Variants in UMODL1 observed in about 807,000 individuals in gnomAD.
UMODL1 encodes the protein uromodulin like 1.
UMODL1 carries 128 observed loss-of-function variants against 136.3 expected under a neutral mutation model. That is an observed-to-expected ratio of 0.94 (90% CI 0.81 to 1.09). The LOEUF is 1.09. Ranked by LOEUF, UMODL1 falls within the 50% of genes least tolerant of loss-of-function variation. The pLI is 0.00. For missense variants in UMODL1, 1,766 were observed against 1,725.6 expected (o/e 1.02, Z -0.41); for synonymous variants, 721 against 720.0 (o/e 1.00, Z -0.02).
chr21:42,130,221 CGTGTGTGT>C (rs112746788), intron 21 of UMODL1, among the ~76,000 whole-genome samples: 2 of 150,464 alleles, frequency 1.3e-5, no homozygotes, highest in African/African-American at 2.4e-5. Context: ...GCCATGTCAA[CGTGTGTGT>C]GTGTGTGTGT....
At position 42,110,916 on chromosome 21, in the gene UMODL1, C is replaced by T. The variant is rs760837751; in HGVS notation, c.1694C>T (p.Ala565Val). ...AGCCCCATGGGCGGTGGACTGTCTG[C>T]GGCAACAGGGGTAACGGTCCCAGGT... is the stretch of plus-strand genomic sequence containing the variant. ...LVSPMGGGLS[A>V]ATGVTVPGLG... Residue 565 changes from alanine to valine, a missense_variant, in exon 11 of 23, where the codon GCG becomes GTG. Ala to Val is a moderately conservative substitution (Grantham distance 64). Transcript: ENST00000408910. The T allele has an allele frequency of 2.5e-5, 40 of 1,611,686 alleles. No homozygotes were observed. Among genetic ancestry groups the T allele is most frequent in the Middle Eastern group, 1.6e-4 (1 of 6,082 alleles).
chr21:42,108,543 C>CAGTT (rs2066757325), intron 9 of UMODL1: 9 of 351,548 alleles, frequency 2.6e-5, no homozygotes, highest in African/African-American at 4.3e-5. Flanking sequence ...CTGAACTGGT[C>CAGTT]CTGCATCGTG....
intron 9 of UMODL1, among the ~76,000 whole-genome samples, chr21:42,106,861 C>T (rs975893892): frequency 6.6e-6 from 1 of 152,238 alleles, no homozygotes; most frequent in Non-Finnish European, 1.5e-5. Context: ...AATGAGATTA[C>T]AGCAACATCC....
chr21:42,064,865 C>CTTTCT (rs772516681), intron 1 of UMODL1, among the ~76,000 whole-genome samples: 1 of 152,134 alleles, frequency 6.6e-6, no homozygotes, highest in Non-Finnish European at 1.5e-5. Flanking sequence ...CCACAAATTT[C>CTTTCT]TTTCTTTTCT....
intron 5 of UMODL1, among the ~76,000 whole-genome samples, chr21:42,089,843 C>A (rs1275641481): frequency 6.6e-6 from 1 of 152,200 alleles, no homozygotes; most frequent in Non-Finnish European, 1.5e-5. Flanking sequence ...TATGAAGAGG[C>A]CCTGTCTGAG....
intron 12 of UMODL1, among the ~76,000 whole-genome samples, chr21:42,112,689 C>T (rs60187112): frequency 0.061 from 9,218 of 152,050 alleles, 317 homozygotes; most frequent in East Asian, 0.13. Context: ...AGCTGTTCTG[C>T]ACCCACAGTT....
chr21:42,095,033 G>A (rs903345579), intron 6 of UMODL1, among the ~76,000 whole-genome samples: 1 of 149,580 alleles, frequency 6.7e-6, no homozygotes, highest in Non-Finnish European at 1.5e-5. Context: ...CTGCCCTCTG[G>A]TGGCTGCCGG....
In UMODL1 at chr21:42,115,899, A is replaced by C; in HGVS notation, c.2389A>C (p.Arg797=). 1.2e-6 allele frequency: 2 copies of C among 1,614,102 alleles called. No individual in the cohort carries two copies. The highest frequency in any genetic ancestry group is 8.5e-7 in the Non-Finnish European group (1 of 1,179,996). Residue 797 remains arginine (R), a synonymous_variant, in exon 14 of 23, where the codon AGA becomes CGA. Coordinates refer to ENST00000408910, the MANE Select transcript of UMODL1 (RefSeq NM_001004416.3). ...AGCCCGGAAGCTCATTGGAAAGGTC[A>C]GAATCAAAAATGTCAGGTACTCAGA... is the stretch of plus-strand genomic sequence containing the variant. ...TAARKLIGKV[R]IKNVRYSESF...
At position 42,071,383 on chromosome 21, in the gene UMODL1, G is replaced by A. The variant is rs766174925; in HGVS notation, c.67G>A (p.Gly23Ser). The part of the protein sequence containing the change: ...VSAVGPSQAS[G>S]FTEKGLSLLG... ...TGCTGTGGGCCCAAGCCAGGCCAGC[G>A]GCTTCACAGGTGAGGGGTCTGGGCT... The change falls in exon 1 of 23, where the codon GGC (glycine) becomes AGC (serine). Residue 23 changes from glycine (G) to serine (S), a missense_variant. Transcript: ENST00000408910. 6.0e-5 allele frequency: 96 copies of A among 1,590,954 alleles called. No homozygotes were observed. Among genetic ancestry groups the A allele is most frequent in the Admixed American group, 2.5e-4 (14 of 56,626 alleles).
In UMODL1 at chr21:42,088,309, C is replaced by A; in HGVS notation, c.619C>A (p.Gln207Lys). The change falls in exon 5 of 23, where the codon CAA becomes AAA. Residue 207 changes from glutamine (Q) to lysine (K), a missense_variant. Coordinates refer to ENST00000408910, the MANE Select transcript of UMODL1 (RefSeq NM_001004416.3). ...LLHSLVTSAL[Q>K]PMASTVHHLH... Reference sequence around the variant, plus strand: ...GCCTTCACAGGTCACCAGCGCCCTGCAACCAATGGCCTCCACCGTCCACCA... The same window carrying A: ...GCCTTCACAGGTCACCAGCGCCCTGAAACCAATGGCCTCCACCGTCCACCA... 1 of 1,612,850 alleles carries A rather than the reference C, an allele frequency of 6.2e-7. No individual in the cohort carries two copies. Among genetic ancestry groups the A allele is most frequent in the Non-Finnish European group, 8.5e-7 (1 of 1,179,214 alleles).
intron 8 of UMODL1, chr21:42,103,130 A>G (rs2066658544): frequency 6.0e-6 from 1 of 167,464 alleles, no homozygotes; most frequent in Non-Finnish European, 1.3e-5. Context: ...GGAGGGAGCC[A>G]ATATCTCTCC....
chr21:42,121,129 G>GGA lies in UMODL1; in HGVS notation c.2733_2734dup (p.Thr912ArgfsTer73), dbSNP rs2066965412. ...AGGAAGGAGGACGACTGTGTGCCGG[G>GGA]GACATCCTGTCGAAACACCCTCGGG... is the stretch of plus-strand genomic sequence containing the variant. On this transcript the variant is annotated frameshift_variant, in exon 16 of 23. Coordinates refer to ENST00000408910, the MANE Select transcript of UMODL1 (RefSeq NM_001004416.3). LOFTEE classifies it high-confidence loss of function. 1 of 1,613,956 alleles carries GGA rather than the reference G, an allele frequency of 6.2e-7. No homozygotes were observed. Among genetic ancestry groups the GGA allele is most frequent in the Non-Finnish European group, 8.5e-7 (1 of 1,179,982 alleles).
intron 4 of UMODL1, 140 bp from the exon 5 acceptor site, chr21:42,088,154 A>G: frequency 1.3e-6 from 1 of 795,092 alleles, no homozygotes; most frequent in Non-Finnish European, 1.9e-6. Flanking sequence ...TGGATAGATA[A>G]GTACTGTAGA....
At chr21:42,118,322 G>A (rs902257141) in intron 14 of UMODL1, among the ~76,000 whole-genome samples, 7 of 152,230 alleles carry the variant, frequency 4.6e-5, no homozygotes, top group Admixed American at 4.6e-4. Flanking sequence ...TGTTCACCTT[G>A]GTGGCCCAGA....
Position 42,122,021 on chromosome 21 carries a change from G to A in UMODL1, c.2827+797G>A, listed in dbSNP as rs893214820. On this transcript the variant is annotated intron_variant, in intron 16 of 22. Coordinates refer to ENST00000408910, the MANE Select transcript of UMODL1 (RefSeq NM_001004416.3). The surrounding 1 kb of genome is among the most constrained non-coding windows in gnomAD (Gnocchi z 4.3). ...CGAGAAGCAGGCTGCCCAGGGAGGC[G>A]GGTGAGGCAGCAGCCAACTGTGAAG... Among the ~76,000 whole-genome samples the A allele has an allele frequency of 6.6e-5, 10 of 152,184 alleles. No individual in the cohort carries two copies. The highest frequency in any genetic ancestry group is 6.5e-4 in the Admixed American group (10 of 15,276).
Position 42,111,496 on chromosome 21 carries a change from C to T in UMODL1, c.1900-10C>T. On this transcript the variant is annotated splice_polypyrimidine_tract_variant and intron_variant, in intron 11 of 22. Transcript: ENST00000408910. Reference sequence around the variant, plus strand: ...GGGCCACAGATGGCCCACTGGCCCTCCCTGGACAGCTACAGGGAAACTCCA... The same window carrying T: ...GGGCCACAGATGGCCCACTGGCCCTTCCTGGACAGCTACAGGGAAACTCCA... 1 of 1,613,792 alleles carries T rather than the reference C, an allele frequency of 6.2e-7. No homozygotes were observed. Among genetic ancestry groups the T allele is most frequent in the Non-Finnish European group, 8.5e-7 (1 of 1,179,770 alleles).
chr21:42,096,335 A>G (rs970225608), intron 6 of UMODL1, among the ~76,000 whole-genome samples: 4 of 152,200 alleles, frequency 2.6e-5, no homozygotes. Flanking sequence ...GCTTCTGCAG[A>G]TGCCTCGGAG....
At chr21:42,062,894 T>A (rs2066153261), upstream of UMODL1, 1 of 152,238 alleles carries the variant, frequency 6.6e-6, no homozygotes, top group Admixed American at 6.5e-5. Context: ...GCTGGGAGGC[T>A]GAACAACAGA....
chr21:42,080,534 T>C (rs1384272021), intron 2 of UMODL1, among the ~76,000 whole-genome samples: 1 of 152,222 alleles, frequency 6.6e-6, no homozygotes, highest in African/African-American at 2.4e-5. Context: ...GACACACACG[T>C]GATATGACTT....
Sources: allele counts gnomAD v4.1 joint callset (sites outside exome capture counted in the v4.1 genomes callset), GRCh38; gene constraint gnomAD v4.1.1; non-coding constraint Gnocchi (gnomAD v3.1); transcripts MANE v1.5; gene names NCBI Gene and HGNC (gene_info 2026-07-23, HGNC 2026-07-21).